Variants in KYAT3 observed in about 807,000 individuals in gnomAD.
KYAT3 encodes the protein kynurenine--oxoglutarate transaminase 3.
In KYAT3, 50 loss-of-function variants were observed where a neutral mutation model predicts 59.0. That is an observed-to-expected ratio of 0.85 (90% CI 0.68 to 1.07). KYAT3 has a LOEUF of 1.07. Among genes scored for constraint, KYAT3 ranks in the 50% least tolerant of loss-of-function variants. The pLI, the probability that KYAT3 is intolerant of heterozygous loss-of-function variation, is 0.00. For missense variants in KYAT3, 497 were observed against 533.3 expected, an observed-to-expected ratio of 0.93 and a Z score of 0.67; for synonymous variants, 148 against 177.0, an observed-to-expected ratio of 0.84 and a Z score of 1.30.
At chr1:88,990,755 G>A (rs770075081) in intron 1 of KYAT3, among the ~76,000 whole-genome samples, 21 of 152,170 alleles carry the variant, frequency 1.4e-4, no homozygotes, top group Non-Finnish European at 2.6e-4. Flanking sequence ...TAAGCAGGCT[G>A]ATAAAAAATG....
At chr1:88,961,604 T>A in intron 6 of KYAT3, 98 bp from the exon 7 acceptor site, 1 of 1,077,656 alleles carries the variant, frequency 9.3e-7, no homozygotes, top group Non-Finnish European at 1.3e-6. Context: ...TCAAAGAAAG[T>A]CATGGCAAAG....
At chr1:88,987,227 A>C (rs919100439) in intron 2 of KYAT3, among the ~76,000 whole-genome samples, 1 of 152,236 alleles carries the variant, frequency 6.6e-6, no homozygotes, top group Non-Finnish European at 1.5e-5. Flanking sequence ...GATTGTGCAC[A>C]CAAATGCCCT....
chr1:88,971,588 G>T (rs1676559223), intron 2 of KYAT3, among the ~76,000 whole-genome samples: 1 of 152,102 alleles, frequency 6.6e-6, no homozygotes, highest in Non-Finnish European at 1.5e-5. Context: ...AGCTTTGGAT[G>T]GTGACAAAAC....
chr1:88,961,617 A>G, intron 6 of KYAT3, 111 bp from the exon 7 acceptor site: 1 of 922,208 alleles, frequency 1.1e-6, no homozygotes, highest in South Asian at 1.8e-5. Flanking sequence ...TGGCAAAGGA[A>G]ACTGAATAAA....
At chr1:88,987,287 C>T (rs1677517836) in intron 2 of KYAT3, among the ~76,000 whole-genome samples, 1 of 152,020 alleles carries the variant, frequency 6.6e-6, no homozygotes, top group Non-Finnish European at 1.5e-5. Context: ...CAACCACTTC[C>T]CTGGCTTCAA....
chr1:88,942,878 T>A (rs1675293123), intron 13 of KYAT3, 127 bp downstream of exon 13: 1 of 739,120 alleles, frequency 1.4e-6, no homozygotes, highest in Non-Finnish European at 2.3e-6. Context: ...CAGTTAATTT[T>A]AAAGCCGTAA....
At position 88,964,968 on chromosome 1, in the gene KYAT3, G is replaced by C. The variant is rs138090382; in HGVS notation, c.314C>G (p.Ser105Ter). 13 of 1,600,984 alleles carry C rather than the reference G, an allele frequency of 8.1e-6. No homozygotes were observed. The African/African-American group carries it at 1.8e-4, about 22-fold the overall frequency. The change falls in exon 5 of 14, where the codon TCA becomes TGA. Residue 105 changes from serine (S) to a stop codon, truncating the protein, a stop_gained. Transcript: ENST00000260508. LOFTEE classifies it high-confidence loss of function. ...CAGATAGGACAGAGCTTTCACAAGTGATGGATGGCCCTGTTGGATTAAAAA... is the reference window on the plus strand; with the variant it reads ...CAGATAGGACAGAGCTTTCACAAGTCATGGATGGCCCTGTTGGATTAAAAA... Reference protein sequence around the residue: ...NQYTRGFGHPSLVKALSYLYE... With the variant: ...NQYTRGFGHP
chr1:88,980,718 T>A (rs555631750), intron 2 of KYAT3: 4 of 152,212 alleles, frequency 2.6e-5, no homozygotes, highest in Non-Finnish European at 1.5e-5. Flanking sequence ...AAACTCTATA[T>A]CCTATATTTA....
intron 4 of KYAT3, among the ~76,000 whole-genome samples, chr1:88,967,425 T>C (rs771103102): frequency 1.3e-5 from 2 of 152,000 alleles, no homozygotes; most frequent in Non-Finnish European, 2.9e-5. Flanking sequence ...ATTGCGGTTT[T>C]TGTCATTAAA....
At chr1:88,921,937 A>G in the KYAT3 span, among the ~76,000 whole-genome samples, 1 of 152,216 alleles carries the variant, frequency 6.6e-6, no homozygotes, top group Non-Finnish European at 1.5e-5. Flanking sequence ...TTTAAATATT[A>G]ATCTCATCAA....
At chr1:88,955,249 TA>T in intron 8 of KYAT3, 24 bp from the exon 9 acceptor site, 1 of 1,400,902 alleles carries the variant, frequency 7.1e-7, no homozygotes, top group Non-Finnish European at 1.0e-6. Flanking sequence ...GAAAAAAGGG[TA>T]AATATTGTTT....
chr1:88,931,658 C>T (rs1260069160), downstream of KYAT3, among the ~76,000 whole-genome samples: 5 of 151,980 alleles, frequency 3.3e-5, no homozygotes, highest in African/African-American at 9.7e-5. Flanking sequence ...CCTTTAAACA[C>T]GGGGCTTGCA....
chr1:88,977,717 A>G (rs969754545), intron 2 of KYAT3, among the ~76,000 whole-genome samples: 5 of 152,208 alleles, frequency 3.3e-5, no homozygotes, highest in African/African-American at 1.2e-4. Flanking sequence ...GTAATGTCCT[A>G]GGCCTTCACA....
At chr1:88,936,358 G>T in intron 13 of KYAT3, 113 bp from the exon 14 acceptor site, 1 of 804,954 alleles carries the variant, frequency 1.2e-6, no homozygotes, top group Non-Finnish European at 1.9e-6. Context: ...GATCTCAAGT[G>T]AAGAAAAATT....
At chr1:88,982,984 G>A (rs1677184048) in intron 2 of KYAT3, 2 of 1,613,406 alleles carry the variant, frequency 1.2e-6, no homozygotes, top group African/African-American at 2.7e-5. Flanking sequence ...ATGAATCTCT[G>A]TAGGAACCTC....
At chr1:88,974,604 G>C (rs2101064263) in intron 2 of KYAT3, among the ~76,000 whole-genome samples, 1 of 151,788 alleles carries the variant, frequency 6.6e-6, no homozygotes, top group Non-Finnish European at 1.5e-5. Context: ...CTGGGACTGA[G>C]AGATGAAGCC....
At chr1:88,950,496 T>A (rs1675624651) in intron 10 of KYAT3, among the ~76,000 whole-genome samples, 1 of 151,520 alleles carries the variant, frequency 6.6e-6, no homozygotes, top group African/African-American at 2.4e-5. Context: ...CTTAGCTATA[T>A]CTTTTTTTTT....
chr1:88,955,628 T>G (rs1675881761), intron 8 of KYAT3, among the ~76,000 whole-genome samples: 1 of 152,156 alleles, frequency 6.6e-6, no homozygotes, highest in African/African-American at 2.4e-5. Context: ...TGATCCTGAT[T>G]ATTGTTTAGG....
At chr1:88,930,499 C>G in the KYAT3 span, among the ~76,000 whole-genome samples, 2 of 152,134 alleles carry the variant, frequency 1.3e-5, no homozygotes, top group African/African-American at 4.8e-5. Context: ...CCCACCTCAA[C>G]TTGTATACTG....
Sources: gnomAD v4.1 joint callset for allele counts (sites outside exome capture counted in the v4.1 genomes callset) on GRCh38, gnomAD v4.1.1 for gene constraint, MANE v1.5 for transcripts, NCBI Gene and HGNC (gene_info 2026-07-23, HGNC 2026-07-21) for gene names.